The following GAREM1 variants were observed in gnomAD, a reference collection of about 807,000 sequenced individuals.
GAREM1 encodes GRB2 associated regulator of MAPK1 subtype 1.
GAREM1 carries 26 observed loss-of-function variants against 71.3 expected under a neutral mutation model. That is an observed-to-expected ratio of 0.36 (90% CI 0.27 to 0.51). The LOEUF (loss-of-function observed/expected upper bound fraction) is 0.51, where lower values mean the gene tolerates loss of function less well. Among genes scored for constraint, GAREM1 ranks in the 20% least tolerant of loss-of-function variants. GAREM1 has a pLI of 0.95. For synonymous variants in GAREM1, 440 were observed against 433.2 expected (o/e 1.02, Z -0.20); for missense variants, 1,026 against 1,103.1 (o/e 0.93, Z 0.99).
rs1176342294 is a variant in GAREM1 at position 32,288,070 on chromosome 18, G to C, written c.527C>G (p.Thr176Arg). The change falls in exon 4 of 6, where the codon ACA (threonine) becomes AGA (arginine). Residue 176 changes from threonine to arginine, a missense_variant. By Grantham distance (71) the Thr-to-Arg change is moderately conservative. Around this residue, in one of 3 missense-constraint regions of GAREM1, gnomAD observed 218 missense variants for 296.8 expected, o/e 0.73. Coordinates refer to ENST00000269209, the MANE Select transcript of GAREM1 (RefSeq NM_001242409.2). ...GAGCTTCCCAATCTTTTTGAAGATT[G>C]TGTTGAGTCGTGACTTTTCCTTGAA... ...KTFKEKSRLN[T>R]IFKKIGKLNS... 6.2e-7 allele frequency: 1 copy of C among 1,614,152 alleles called. No individual in the cohort carries two copies. The highest frequency in any genetic ancestry group is 2.2e-5 in the East Asian group (1 of 44,882).
chr18:32,293,542 A>G (rs1453859875), intron 3 of GAREM1, among the ~76,000 whole-genome samples: 1 of 152,206 alleles, frequency 6.6e-6, no homozygotes, highest in African/African-American at 2.4e-5. Context: ...TTTGAAACTT[A>G]TTATTTACTT....
chr18:32,444,502 G>C (rs2144280396), intron 1 of GAREM1, among the ~76,000 whole-genome samples: 1 of 152,272 alleles, frequency 6.6e-6, no homozygotes, highest in Admixed American at 6.5e-5. Context: ...GATCATGCCA[G>C]ATATCAAAAT....
rs140223027 is a variant in GAREM1, at chr18:32,340,837, G to A, written c.263-30514C>T. Reference sequence around the variant, plus strand: ...ATATCCCAAGGAGTCTAGTCCTAGAGCCCAGCTCAGAGCCACCAACTGGCC... The same window carrying A: ...ATATCCCAAGGAGTCTAGTCCTAGAACCCAGCTCAGAGCCACCAACTGGCC... On this transcript the variant is annotated intron_variant, in intron 2 of 5. Transcript: ENST00000269209. Among the ~76,000 whole-genome samples, 634 of 152,242 alleles carry A rather than the reference G, an allele frequency of 4.2e-3. 3 individuals are homozygous for A. The highest frequency in any genetic ancestry group is 0.017 in the Middle Eastern group (5 of 294).
rs777912856 is a variant in GAREM1 at position 32,268,609 on chromosome 18, T to C, written c.1893A>G (p.Ser631=). 1.2e-6 allele frequency: 2 copies of C among 1,614,160 alleles called. No homozygotes were observed. Among genetic ancestry groups the C allele is most frequent in the Non-Finnish European group, 1.7e-6 (2 of 1,180,006 alleles). The part of the protein sequence containing the change: ...SSRLSWPNHY[S]GASESQTRSD... ...TCCTGGTCTGGCTTTCTGATGCTCC[T>C]GAATAATGGTTAGGCCATGAGAGCC... Residue 631 remains serine, a synonymous_variant, in exon 6 of 6, where the codon TCA becomes TCG. Transcript: ENST00000269209.
At chr18:32,447,751 T>C (rs2048798225) in intron 1 of GAREM1, among the ~76,000 whole-genome samples, 1 of 152,120 alleles carries the variant, frequency 6.6e-6, no homozygotes, top group Non-Finnish European at 1.5e-5. Flanking sequence ...ACCTTATACT[T>C]CCCCATCCGC....
intron 2 of GAREM1, among the ~76,000 whole-genome samples, chr18:32,343,963 T>G (rs939746919): frequency 6.6e-6 from 1 of 152,110 alleles, no homozygotes; most frequent in Non-Finnish European, 1.5e-5. Context: ...GACTCCCTCC[T>G]AGGCACACTC....
intron 4 of GAREM1, among the ~76,000 whole-genome samples, chr18:32,273,762 A>AT (rs1475071716): frequency 6.6e-6 from 1 of 152,252 alleles, no homozygotes; most frequent in East Asian, 1.9e-4. Context: ...AAACAAACTG[A>AT]TTCTTACTTT....
At chr18:32,401,341 TAAA>T in intron 1 of GAREM1, among the ~76,000 whole-genome samples, 2 of 150,988 alleles carry the variant, frequency 1.3e-5, no homozygotes, top group Admixed American at 1.3e-4. Context: ...AAAATAATAA[TAAA>T]GACTAATTGA....
chr18:32,348,364 T>C (rs1190036801), intron 2 of GAREM1, among the ~76,000 whole-genome samples: 3 of 152,120 alleles, frequency 2.0e-5, no homozygotes, highest in African/African-American at 4.8e-5. Flanking sequence ...ACATTATTAT[T>C]ATAAGAGAAA....
At chr18:32,447,531 C>A (rs2048796428) in intron 1 of GAREM1, among the ~76,000 whole-genome samples, 1 of 151,762 alleles carries the variant, frequency 6.6e-6, no homozygotes, top group East Asian at 1.9e-4. Context: ...AATATTAATG[C>A]AACATTTTCT....
chr18:32,362,068 G>A (rs1360305037), intron 2 of GAREM1, among the ~76,000 whole-genome samples: 1 of 152,156 alleles, frequency 6.6e-6, no homozygotes, highest in Non-Finnish European at 1.5e-5. Flanking sequence ...CAAGAAGGAT[G>A]GGAAGCCACA....
chr18:32,406,318 C>T (rs561236342), intron 1 of GAREM1, among the ~76,000 whole-genome samples: 5 of 152,230 alleles, frequency 3.3e-5, no homozygotes, highest in South Asian at 4.2e-4. Context: ...CGTGAGCCAC[C>T]GCGCCCAGCC....
chr18:32,282,680 G>C (rs1225066300), intron 4 of GAREM1, among the ~76,000 whole-genome samples: 1 of 152,180 alleles, frequency 6.6e-6, no homozygotes, highest in Non-Finnish European at 1.5e-5. Flanking sequence ...AAAGTGCTGG[G>C]ATTACAGGTG....
intron 1 of GAREM1, among the ~76,000 whole-genome samples, chr18:32,437,477 A>G (rs2048691045): frequency 1.3e-5 from 2 of 152,224 alleles, no homozygotes; most frequent in Admixed American, 1.3e-4. Flanking sequence ...CTCTGCACAC[A>G]TTTGAGGGGT....
At chr18:32,305,956 A>G (rs887270793) in intron 3 of GAREM1, among the ~76,000 whole-genome samples, 2 of 152,176 alleles carry the variant, frequency 1.3e-5, no homozygotes, top group African/African-American at 4.8e-5. Context: ...GGTCTACTCT[A>G]TACCTGCATC....
intron 4 of GAREM1, 38 bp from the exon 5 acceptor site, chr18:32,270,421 T>C (rs1276064415): frequency 2.6e-6 from 4 of 1,564,784 alleles, no homozygotes; most frequent in Non-Finnish European, 2.6e-6. Context: ...AGCAACAGAC[T>C]GACAATGCCA....
At chr18:32,339,153 A>G (rs184597660) in intron 2 of GAREM1, among the ~76,000 whole-genome samples, 1 of 152,262 alleles carries the variant, frequency 6.6e-6, no homozygotes, top group African/African-American at 2.4e-5. Context: ...TCTGCTGCCA[A>G]CTGGTTCTGT....
intron 2 of GAREM1, among the ~76,000 whole-genome samples, chr18:32,322,799 T>C (rs150868133): frequency 2.0e-5 from 3 of 152,334 alleles, no homozygotes; most frequent in Non-Finnish European, 2.9e-5. Context: ...TTTTCATTTA[T>C]GTTGATTACC....
chr18:32,286,359 T>TGTGTGTGTGC (rs59251397), intron 4 of GAREM1, among the ~76,000 whole-genome samples: 1 of 151,122 alleles, frequency 6.6e-6, no homozygotes, highest in African/African-American at 2.4e-5. Context: ...TGTGTGTGTG[T>TGTGTGTGTGC]ATAATACATT....
Sources: allele counts gnomAD v4.1 joint callset (sites outside exome capture counted in the v4.1 genomes callset), GRCh38; gene constraint gnomAD v4.1.1; regional missense constraint gnomAD v4.1.1; transcripts MANE v1.5; gene names NCBI Gene and HGNC (gene_info 2026-07-23, HGNC 2026-07-21).